The following CUX1 variants were observed in gnomAD, a reference collection of about 807,000 sequenced individuals.
The protein encoded by CUX1 is protein CASP.
CUX1 carries 31 observed loss-of-function variants against 158.8 expected under a neutral mutation model. The observed-to-expected ratio is 0.20, with a 90% CI of 0.15 to 0.26. The LOEUF (loss-of-function observed/expected upper bound fraction) is 0.26. CUX1 is among the 10% of genes least tolerant of loss of function. The probability of loss-of-function intolerance (pLI) is 1.00; values close to 1 mark genes in which losing one functional copy is unlikely to be tolerated. For missense variants in CUX1, 1,589 were observed against 2,014.6 expected (o/e 0.79, Z 4.04); for synonymous variants, 879 against 862.1 (o/e 1.02, Z -0.34).
chr7:101,921,262 T>G (rs1804886345), intron 2 of CUX1, among the ~76,000 whole-genome samples: 1 of 152,088 alleles, frequency 6.6e-6, no homozygotes. Flanking sequence ...TGTGTGCACA[T>G]ATGTGTGTGT....
In CUX1 at chr7:102,160,160, CA is replaced by C. The variant is rs1790276645; in HGVS notation, c.723+1553del. ...TGCCACCATACTCCAGCTTGGATGA[CA>C]GAGCGAGAATCTGTCTAAAAAAAAA... On this transcript the variant is annotated intron_variant, in intron 9 of 23. Transcript: ENST00000292535. Among the ~76,000 whole-genome samples the C allele has an allele frequency of 2.0e-5, 3 of 148,798 alleles. No individual in the cohort carries two copies. In the South Asian group the frequency reaches 6.4e-4, roughly 32 times the overall value.
intron 8 of CUX1, among the ~76,000 whole-genome samples, chr7:102,137,282 C>A (rs1834011635): frequency 6.6e-6 from 1 of 152,142 alleles, no homozygotes; most frequent in Non-Finnish European, 1.5e-5. Flanking sequence ...GTGTTAGATC[C>A]TTCTAGTGGG....
intron 21 of CUX1, among the ~76,000 whole-genome samples, chr7:102,231,585 T>C (rs1204404459): frequency 2.6e-5 from 4 of 152,140 alleles, no homozygotes; most frequent in East Asian, 1.9e-4. Context: ...GATTTTTTTT[T>C]CCCCATTCAG....
chr7:102,101,650 C>T (rs1482545449), intron 5 of CUX1, among the ~76,000 whole-genome samples: 1 of 152,180 alleles, frequency 6.6e-6, no homozygotes, highest in Admixed American at 6.5e-5. Flanking sequence ...TGGCTCATGC[C>T]TGTAATCCCA....
chr7:102,050,499 C>T (rs188919153), intron 3 of CUX1, among the ~76,000 whole-genome samples: 10 of 152,172 alleles, frequency 6.6e-5, no homozygotes, highest in Admixed American at 1.3e-4. Context: ...GGCCTGGGCC[C>T]GTCATCCAAC....
intron 2 of CUX1, among the ~76,000 whole-genome samples, chr7:101,957,289 G>T (rs1809897878): frequency 6.6e-6 from 1 of 152,224 alleles, no homozygotes; most frequent in African/African-American, 2.4e-5. Flanking sequence ...TCACACAAGG[G>T]CTGGTGAACA....
At chr7:102,182,986 G>A (rs1017206907) in intron 11 of CUX1, among the ~76,000 whole-genome samples, 1 of 152,098 alleles carries the variant, frequency 6.6e-6, no homozygotes, top group Non-Finnish European at 1.5e-5. Context: ...ATCACCTAGG[G>A]GTCTTTTCCA....
intron 8 of CUX1, among the ~76,000 whole-genome samples, chr7:102,128,290 G>A (rs1484800823): frequency 2.0e-5 from 3 of 152,188 alleles, no homozygotes; most frequent in African/African-American, 7.2e-5. Context: ...CTAGTGAAAA[G>A]TCAGGGACAG....
intron 1 of CUX1, chr7:101,913,541 A>G: frequency 3.6e-5 from 16 of 446,900 alleles, no homozygotes; most frequent in South Asian, 9.9e-5. Context: ...ACCGAGGGGG[A>G]CGGAGGGGGC....
At chr7:101,978,650 AC>A (rs937949852) in intron 2 of CUX1, among the ~76,000 whole-genome samples, 2 of 152,082 alleles carry the variant, frequency 1.3e-5, no homozygotes, top group African/African-American at 4.8e-5. Flanking sequence ...ACATTCTGTG[AC>A]CCCACGTCGC....
downstream of CUX1, chr7:102,258,290 C>A: frequency 1.4e-6 from 1 of 696,300 alleles, no homozygotes; most frequent in Non-Finnish European, 1.8e-6. Flanking sequence ...GCAGCAAACA[C>A]TGTCATTCGA....
intron 2 of CUX1, among the ~76,000 whole-genome samples, chr7:102,009,725 A>G (rs569941684): frequency 3.5e-4 from 53 of 152,346 alleles, no homozygotes; most frequent in African/African-American, 1.2e-3. Context: ...TCTTCTGCAC[A>G]CCAGCGTGGC....
In CUX1 at chr7:102,201,093, G is replaced by A. The variant is rs1554519525; in HGVS notation, c.2063-267G>A. Reference sequence around the variant, plus strand: ...GAGCCCCAGGAGGGCAGGTCGGGGAGCACTTTCACTGACACCCCCTTTATT... The same window carrying A: ...GAGCCCCAGGAGGGCAGGTCGGGGAACACTTTCACTGACACCCCCTTTATT... On this transcript the variant is annotated intron_variant, in intron 17 of 23. Coordinates refer to ENST00000292535, the MANE Select transcript of CUX1 (RefSeq NM_181552.4). The surrounding 1 kb of genome is among the most constrained non-coding windows in gnomAD (Gnocchi z 5.0). 6.7e-6 allele frequency among the ~76,000 whole-genome samples: 1 copy of A among 149,738 alleles called. No individual in the cohort carries two copies. The highest frequency in any genetic ancestry group is 1.5e-5 in the Non-Finnish European group (1 of 67,702).
chr7:101,903,713 C>G (rs751428492), intron 1 of CUX1, among the ~76,000 whole-genome samples: 1 of 152,240 alleles, frequency 6.6e-6, no homozygotes, highest in South Asian at 2.1e-4. Context: ...TCCGAGACAG[C>G]GTCTCTCACA....
intron 2 of CUX1, among the ~76,000 whole-genome samples, chr7:102,012,625 C>T (rs1341507303): frequency 2.0e-5 from 3 of 151,272 alleles, no homozygotes; most frequent in Admixed American, 1.3e-4. Flanking sequence ...AGGTACTGCC[C>T]AGGGTCATGA....
At chr7:102,081,027 C>A (rs190466972) in intron 4 of CUX1, among the ~76,000 whole-genome samples, 1 of 152,200 alleles carries the variant, frequency 6.6e-6, no homozygotes, top group South Asian at 2.1e-4. Flanking sequence ...GGTTTCTGGC[C>A]ACTTCGCTAC....
At chr7:102,163,205 C>T (rs1262612164) in intron 9 of CUX1, among the ~76,000 whole-genome samples, 1 of 152,076 alleles carries the variant, frequency 6.6e-6, no homozygotes, top group Non-Finnish European at 1.5e-5. Flanking sequence ...TGCCCAGAGC[C>T]AGGCATGGTG....
intron 2 of CUX1, among the ~76,000 whole-genome samples, chr7:101,927,786 A>C (rs1805772195): frequency 6.6e-6 from 1 of 152,192 alleles, no homozygotes; most frequent in Admixed American, 6.5e-5. Flanking sequence ...ATTCTTAGGC[A>C]ATTCTTAGGT....
chr7:101,901,483 C>T (rs895811681), intron 1 of CUX1, among the ~76,000 whole-genome samples: 8 of 151,992 alleles, frequency 5.3e-5, no homozygotes, highest in Non-Finnish European at 8.8e-5. Context: ...TTAATAGAGA[C>T]AGGGTTTTGC....
Sources: allele counts gnomAD v4.1 joint callset (sites outside exome capture counted in the v4.1 genomes callset), GRCh38; gene constraint gnomAD v4.1.1; non-coding constraint Gnocchi (gnomAD v3.1); transcripts MANE v1.5; gene names NCBI Gene and HGNC (gene_info 2026-07-23, HGNC 2026-07-21).